Variants in CNTNAP4 observed in about 807,000 individuals in gnomAD.
CNTNAP4 encodes the protein contactin associated protein family member 4, also known as contactin-associated protein-like 4.
Under a neutral mutation model 148.4 loss-of-function variants are expected in CNTNAP4, and 98 were observed. That is an observed-to-expected ratio of 0.66 (90% CI 0.56 to 0.78). The LOEUF is 0.78. CNTNAP4 is among the 30% of genes least tolerant of loss of function. The probability of loss-of-function intolerance (pLI) is 0.00; values close to 1 mark genes in which losing one functional copy is unlikely to be tolerated. For synonymous variants in CNTNAP4, 730 were observed against 565.1 expected (o/e 1.29, Z -4.14); for missense variants, 1,935 against 1,565.6 (o/e 1.24, Z -3.98).
At chr16:76,458,296 C>G (rs1280275477) in intron 8 of CNTNAP4, among the ~76,000 whole-genome samples, 1 of 152,040 alleles carries the variant, frequency 6.6e-6, no homozygotes, top group African/African-American at 2.4e-5. Flanking sequence ...GGTCCTCAAC[C>G]TTTTTGGCAC....
At chr16:76,421,915 T>A (rs1444072328) in intron 3 of CNTNAP4, among the ~76,000 whole-genome samples, 1 of 152,188 alleles carries the variant, frequency 6.6e-6, no homozygotes, top group Non-Finnish European at 1.5e-5. Flanking sequence ...ACGGGTCCCA[T>A]GTTTCTGATT....
At chr16:76,518,014 A>G (rs1386493761) in intron 15 of CNTNAP4, among the ~76,000 whole-genome samples, 1 of 152,210 alleles carries the variant, frequency 6.6e-6, no homozygotes, top group African/African-American at 2.4e-5. Flanking sequence ...TATGAAATTC[A>G]ATACTTAGTA....
intron 14 of CNTNAP4, among the ~76,000 whole-genome samples, chr16:76,495,939 A>G (rs1023953953): frequency 1.3e-5 from 2 of 152,098 alleles, no homozygotes; most frequent in African/African-American, 4.8e-5. Context: ...AGGAAACATC[A>G]ACTAAATCCC....
chr16:76,387,079 T>G (rs1392201274), intron 3 of CNTNAP4, among the ~76,000 whole-genome samples: 1 of 152,174 alleles, frequency 6.6e-6, no homozygotes, highest in East Asian at 1.9e-4. Context: ...GCTGACATCT[T>G]GATTTCAGCC....
At chr16:76,504,080 G>C (rs543735663) in intron 15 of CNTNAP4, among the ~76,000 whole-genome samples, 12 of 152,084 alleles carry the variant, frequency 7.9e-5, no homozygotes, top group Non-Finnish European at 5.9e-5. Flanking sequence ...TGGGAGGGGA[G>C]TAGAAATTGG....
chr16:76,426,967 A>G (rs1367563853), intron 3 of CNTNAP4, among the ~76,000 whole-genome samples: 1 of 152,200 alleles, frequency 6.6e-6, no homozygotes, highest in Admixed American at 6.5e-5. Flanking sequence ...GTTGCGTGGT[A>G]CTTTTCTTTA....
intron 3 of CNTNAP4, among the ~76,000 whole-genome samples, chr16:76,374,247 G>A (rs1024449113): frequency 6.6e-6 from 1 of 152,110 alleles, no homozygotes; most frequent in Non-Finnish European, 1.5e-5. Flanking sequence ...ATTATGTTCA[G>A]AATAATCATG....
At chr16:76,464,953 C>A (rs920600806) in intron 9 of CNTNAP4, among the ~76,000 whole-genome samples, 1 of 152,188 alleles carries the variant, frequency 6.6e-6, no homozygotes, top group Non-Finnish European at 1.5e-5. Context: ...AATTTCTGTA[C>A]ATTCCCCTAT....
chr16:76,502,234 A>C (rs1260482974), intron 15 of CNTNAP4, among the ~76,000 whole-genome samples: 1 of 151,692 alleles, frequency 6.6e-6, no homozygotes, highest in East Asian at 1.9e-4. Context: ...TGCATGAAGG[A>C]CTAAGGACTA....
intron 22 of CNTNAP4, 149 bp downstream of exon 22, chr16:76,553,650 C>A: frequency 2.9e-6 from 2 of 681,764 alleles, no homozygotes; most frequent in Non-Finnish European, 5.0e-6. Context: ...CTTCCCATAT[C>A]TTTTCTAGGT....
intron 1 of CNTNAP4, among the ~76,000 whole-genome samples, chr16:76,297,376 A>G (rs1597111479): frequency 6.6e-6 from 1 of 152,302 alleles, no homozygotes; most frequent in South Asian, 2.1e-4. Context: ...AAAATAAAAG[A>G]TAACTATTTA....
At position 76,559,507 on chromosome 16, in the gene CNTNAP4, C is replaced by T. The variant is rs1272096163; in HGVS notation, c.*824C>T. On this transcript the variant is annotated 3_prime_UTR_variant, in exon 24 of 24. Transcript: ENST00000611870. ...CCCAAAGAATGTAAAATGTTTTCAA[C>T]TAAACTGTTGATATATTAAAAAAAA... Among the ~76,000 whole-genome samples, 1 of 152,070 alleles carries T rather than the reference C, an allele frequency of 6.6e-6. No individual in the cohort carries two copies. Among genetic ancestry groups the T allele is most frequent in the East Asian group, 1.9e-4 (1 of 5,194 alleles).
chr16:76,557,736 T>TA (rs1425278228), intron 23 of CNTNAP4: 1 of 152,156 alleles, frequency 6.6e-6, no homozygotes, highest in Non-Finnish European at 1.5e-5. Flanking sequence ...GGTTCCGTAT[T>TA]AAAATGGAAA....
chr16:76,290,135 G>A (rs1264553778), intron 1 of CNTNAP4, among the ~76,000 whole-genome samples: 1 of 152,142 alleles, frequency 6.6e-6, no homozygotes, highest in East Asian at 1.9e-4. Flanking sequence ...ACAGGCCTGT[G>A]AGACAAGTGT....
At chr16:76,428,419 GT>G (rs146173411) in intron 4 of CNTNAP4, among the ~76,000 whole-genome samples, 55,157 of 147,798 alleles carry the variant, frequency 0.37, 11,524 homozygotes, top group Non-Finnish European at 0.47. Flanking sequence ...TCACGACATC[GT>G]TTTTTTTTTT....
chr16:76,553,186 T>C lies in CNTNAP4; in HGVS notation c.3443-97T>C, dbSNP rs1471258528. On this transcript the variant is annotated intron_variant, in intron 21 of 23. Coordinates refer to ENST00000611870, the MANE Select transcript of CNTNAP4 (RefSeq NM_033401.5). Reference sequence around the variant, plus strand: ...AAAATTAAAAAGGAATTTAGTAACTTTATTGCTATTGCATTAGCTCAGAAT... The same window carrying C: ...AAAATTAAAAAGGAATTTAGTAACTCTATTGCTATTGCATTAGCTCAGAAT... The C allele has an allele frequency of 1.6e-5, 10 of 641,746 alleles. No individual in the cohort carries two copies. In the Admixed American group the frequency reaches 2.9e-4, roughly 19 times the overall value. The allele number at this position is 641,746 out of a possible 1,614,324, so 39.8% of individuals were successfully genotyped here.
chr16:76,430,067 A>G (rs2079555618), intron 4 of CNTNAP4, among the ~76,000 whole-genome samples: 1 of 152,186 alleles, frequency 6.6e-6, no homozygotes, highest in South Asian at 2.1e-4. Context: ...ATGGGAATGT[A>G]TTTGATCAAA....
At chr16:76,419,957 A>G (rs1425181219) in intron 3 of CNTNAP4, among the ~76,000 whole-genome samples, 1 of 152,004 alleles carries the variant, frequency 6.6e-6, no homozygotes, top group African/African-American at 2.4e-5. Flanking sequence ...AATACCTCCC[A>G]AAGACCTCAT....
chr16:76,353,527 C>G (rs1001867938), intron 2 of CNTNAP4, among the ~76,000 whole-genome samples: 1 of 152,124 alleles, frequency 6.6e-6, no homozygotes, highest in African/African-American at 2.4e-5. Context: ...GGTTCTCACC[C>G]TTTGCGGTTG....
Sources: gnomAD v4.1 joint callset for allele counts (sites outside exome capture counted in the v4.1 genomes callset) on GRCh38, gnomAD v4.1.1 for gene constraint, MANE v1.5 for transcripts, NCBI Gene and HGNC (gene_info 2026-07-23, HGNC 2026-07-21) for gene names.